Variants in MSANTD3 observed in about 807,000 individuals in gnomAD.
MSANTD3 encodes myb/SANT-like DNA-binding domain-containing protein 3.
Under a neutral mutation model 27.7 loss-of-function variants are expected in MSANTD3, and 11 were observed. That is an observed-to-expected ratio of 0.40 (90% confidence interval 0.25 to 0.66). The LOEUF is 0.66. Among genes scored for constraint, MSANTD3 ranks in the 30% least tolerant of loss-of-function variants. The probability of loss-of-function intolerance (pLI) is 0.41; values close to 1 mark genes in which losing one functional copy is unlikely to be tolerated. For missense variants in MSANTD3, 250 were observed against 336.5 expected (o/e 0.74, Z 2.01); for synonymous variants, 131 against 127.2 (o/e 1.03, Z -0.20).
chr9:100,438,029 A>G (rs1017003987), intron 1 of MSANTD3, among the ~76,000 whole-genome samples: 5 of 151,964 alleles, frequency 3.3e-5, no homozygotes, highest in African/African-American at 1.2e-4. Flanking sequence ...TGAAATTTAG[A>G]CTCCCCACAA....
At chr9:100,445,368 C>T (rs555784805) in intron 2 of MSANTD3, 3 of 594,038 alleles carry the variant, frequency 5.1e-6, no homozygotes, top group Non-Finnish European at 8.9e-6. Context: ...ACATGAGGCT[C>T]ATAGGCACTT....
At chr9:100,431,259 C>G (rs1327461618) in intron 1 of MSANTD3, among the ~76,000 whole-genome samples, 1 of 151,442 alleles carries the variant, frequency 6.6e-6, no homozygotes, top group Non-Finnish European at 1.5e-5. Context: ...ACCTCGGCCT[C>G]CCAAAGTGCT....
At chr9:100,442,408 A>G (rs754045849) in intron 2 of MSANTD3, 52 bp downstream of exon 2, 2 of 1,526,864 alleles carry the variant, frequency 1.3e-6, no homozygotes, top group East Asian at 2.3e-5. Flanking sequence ...TCTGTTTGAC[A>G]TTTTAATTTT....
Position 100,450,563 on chromosome 9 carries a change from T to G in MSANTD3, c.425T>G (p.Phe142Cys), listed in dbSNP as rs1358140912. Residue 142 changes from phenylalanine (F) to cysteine (C), a missense_variant, in exon 3 of 3, where the codon TTT becomes TGT. Coordinates refer to ENST00000395067, the MANE Select transcript of MSANTD3 (RefSeq NM_080655.3). ...TTCTGCTACTGTTTTTCAGAATCAT[T>G]TGCTGTTTCAAATAGAGAACTGTGC... ...YHPDASAQES[F>C]AVSNRELCDD... The G allele has an allele frequency of 6.5e-7, 1 of 1,535,790 alleles. No individual in the cohort carries two copies. Among genetic ancestry groups the G allele is most frequent in the Non-Finnish European group, 8.7e-7 (1 of 1,146,352 alleles).
At chr9:100,445,386 G>A in intron 2 of MSANTD3, 1 of 543,794 alleles carries the variant, frequency 1.8e-6, no homozygotes, top group South Asian at 3.1e-5. Context: ...CTTGAAATGT[G>A]GGTAGACCAC....
intron 1 of MSANTD3, among the ~76,000 whole-genome samples, chr9:100,428,461 A>AG (rs966320428): frequency 6.6e-5 from 10 of 152,130 alleles, no homozygotes; most frequent in African/African-American, 2.4e-4. Context: ...GGGATGGACA[A>AG]GGGGGAGAAG....
chr9:100,450,560 C>T lies in MSANTD3; in HGVS notation c.422C>T (p.Ser141Leu). ...GTTTTCTGCTACTGTTTTTCAGAAT[C>T]ATTTGCTGTTTCAAATAGAGAACTG... ...EYHPDASAQESFAVSNRELCD... is the reference protein window; with the variant it reads ...EYHPDASAQELFAVSNRELCD... The change falls in exon 3 of 3, where the codon TCA becomes TTA. Residue 141 changes from serine to leucine, a missense_variant. Ser to Leu is a moderately radical substitution (Grantham distance 145). Transcript: ENST00000395067. The T allele has an allele frequency of 6.6e-7, 1 of 1,523,462 alleles. No individual in the cohort carries two copies. The highest frequency in any genetic ancestry group is 1.3e-5 in the South Asian group (1 of 75,794). 94.4% of individuals were successfully genotyped at this position (1,523,462 alleles called of 1,614,324 possible). A position where few individuals can be genotyped will look rare whatever the true frequency, so the allele number is the denominator to read the frequency against.
chr9:100,445,079 G>T, intron 2 of MSANTD3: 1 of 751,156 alleles, frequency 1.3e-6, no homozygotes, highest in Non-Finnish European at 2.3e-6. Flanking sequence ...GTGTCCAAAG[G>T]TAATCTGTTA....
chr9:100,432,059 T>C (rs1387990988), intron 1 of MSANTD3, among the ~76,000 whole-genome samples: 1 of 152,012 alleles, frequency 6.6e-6, no homozygotes, highest in Non-Finnish European at 1.5e-5. Flanking sequence ...TAGAGGGGAC[T>C]GTGAGGATGG....
At chr9:100,440,080 G>A (rs778846952) in intron 1 of MSANTD3, among the ~76,000 whole-genome samples, 1 of 152,166 alleles carries the variant, frequency 6.6e-6, no homozygotes, top group Admixed American at 6.5e-5. Flanking sequence ...TGGGAATAGC[G>A]TGCAGTCCTA....
chr9:100,428,182 T>G (rs1423908619), intron 1 of MSANTD3, among the ~76,000 whole-genome samples: 1 of 152,204 alleles, frequency 6.6e-6, no homozygotes, highest in African/African-American at 2.4e-5. Context: ...CTATTCCGAT[T>G]CAGGAGGTTG....
At chr9:100,428,808 T>A (rs1836299385) in intron 1 of MSANTD3, among the ~76,000 whole-genome samples, 1 of 152,182 alleles carries the variant, frequency 6.6e-6, no homozygotes. Context: ...ACTGATATAA[T>A]GGAAGAGTGC....
chr9:100,436,554 A>G (rs1255764829), intron 1 of MSANTD3, among the ~76,000 whole-genome samples: 1 of 152,172 alleles, frequency 6.6e-6, no homozygotes, highest in Non-Finnish European at 1.5e-5. Flanking sequence ...AGTCCAGTCT[A>G]TCCCTAATAA....
At chr9:100,437,693 T>C (rs916719640) in intron 1 of MSANTD3, among the ~76,000 whole-genome samples, 7 of 152,180 alleles carry the variant, frequency 4.6e-5, no homozygotes, top group Non-Finnish European at 1.0e-4. Flanking sequence ...TAAATAACAG[T>C]TTAGTTAATA....
intron 1 of MSANTD3, among the ~76,000 whole-genome samples, chr9:100,434,678 C>A (rs2118190944): frequency 6.6e-6 from 1 of 152,292 alleles, no homozygotes; most frequent in Middle Eastern, 3.4e-3. Flanking sequence ...TCTTAAAGAT[C>A]TAGCTCAAAT....
chr9:100,445,395 A>G (rs1381669263), intron 2 of MSANTD3, among the ~76,000 whole-genome samples: 1 of 152,236 alleles, frequency 6.6e-6, no homozygotes. Context: ...TGGGTAGACC[A>G]CATTAGGATG....
intron 2 of MSANTD3, among the ~76,000 whole-genome samples, chr9:100,443,290 T>C (rs1442664781): frequency 6.6e-6 from 1 of 151,950 alleles, no homozygotes; most frequent in Non-Finnish European, 1.5e-5. Context: ...TCCCAGCTAC[T>C]TGGGAGGCTG....
chr9:100,434,797 G>C (rs1836442773), intron 1 of MSANTD3, among the ~76,000 whole-genome samples: 1 of 152,092 alleles, frequency 6.6e-6, no homozygotes, highest in African/African-American at 2.4e-5. Flanking sequence ...CATTTTAGTT[G>C]TCAGTTTGTG....
intron 2 of MSANTD3, among the ~76,000 whole-genome samples, chr9:100,447,316 CCT>C (rs992722397): frequency 6.6e-6 from 1 of 152,128 alleles, no homozygotes; most frequent in African/African-American, 2.4e-5. Flanking sequence ...TACCATTGAG[CCT>C]CTCTAGTTTA....
Sources: allele counts gnomAD v4.1 joint callset (sites outside exome capture counted in the v4.1 genomes callset), GRCh38; gene constraint gnomAD v4.1.1; transcripts MANE v1.5; gene names NCBI Gene and HGNC (gene_info 2026-07-23, HGNC 2026-07-21).